ENTREP2: variants seen among roughly 807,000 people sequenced by gnomAD.
The protein encoded by ENTREP2 is endosomal transmembrane epsin interactor 2.
At chr15:29,591,691 A>G in the ENTREP2 span, among the ~76,000 whole-genome samples, 1 of 152,074 alleles carries the variant, frequency 6.6e-6, no homozygotes, top group Non-Finnish European at 1.5e-5. Context: ...AAAAAAATAC[A>G]GCCAGGCATG....
At chr15:29,138,524 G>A in the ENTREP2 span, among the ~76,000 whole-genome samples, 5 of 152,300 alleles carry the variant, frequency 3.3e-5, no homozygotes, top group African/African-American at 1.2e-4. Flanking sequence ...GAGTGCGTGT[G>A]TGTCTGTATG....
the ENTREP2 span, chr15:29,126,457 C>T: frequency 1.1e-5 from 17 of 1,550,118 alleles, no homozygotes; most frequent in African/African-American, 1.4e-5. Context: ...TAGCAGTGCC[C>T]TCGGACACCA....
chr15:29,119,144 G>A, the ENTREP2 span, among the ~76,000 whole-genome samples: 1 of 152,236 alleles, frequency 6.6e-6, no homozygotes, highest in Non-Finnish European at 1.5e-5. Flanking sequence ...GCGCACACCA[G>A]CTTTGTGCCT....
the ENTREP2 span, among the ~76,000 whole-genome samples, chr15:29,495,492 T>C: frequency 2.0e-5 from 3 of 152,208 alleles, no homozygotes; most frequent in Non-Finnish European, 2.9e-5. Context: ...GAGCTTTCTA[T>C]GTTTTCTTCT....
At chr15:29,468,553 T>C in the ENTREP2 span, among the ~76,000 whole-genome samples, 8 of 145,818 alleles carry the variant, frequency 5.5e-5, no homozygotes, top group Non-Finnish European at 1.2e-4. Flanking sequence ...GAGATTGCAG[T>C]GAGCCGAGAT....
chr15:29,361,038 C>T, the ENTREP2 span, among the ~76,000 whole-genome samples: 256 of 152,332 alleles, frequency 1.7e-3, 3 homozygotes, highest in South Asian at 9.3e-3. Flanking sequence ...TGGACCCCTG[C>T]ACCTGGTGCT....
chr15:29,207,726 C>A, the ENTREP2 span, among the ~76,000 whole-genome samples: 1 of 152,168 alleles, frequency 6.6e-6, no homozygotes, highest in Non-Finnish European at 1.5e-5. Context: ...CCCAGGAAGT[C>A]CAGCTGGCTT....
chr15:29,208,687 T>C, the ENTREP2 span, among the ~76,000 whole-genome samples: 37 of 152,312 alleles, frequency 2.4e-4, no homozygotes, highest in Non-Finnish European at 4.9e-4. Context: ...CCTATAGGTA[T>C]ACCCTACATC....
chr15:29,510,767 G>A, the ENTREP2 span, among the ~76,000 whole-genome samples: 5 of 144,842 alleles, frequency 3.5e-5, no homozygotes, highest in East Asian at 6.1e-4. Flanking sequence ...AGATCATGCC[G>A]CCACTACACT....
At chr15:29,252,848 A>T in the ENTREP2 span, among the ~76,000 whole-genome samples, 1,276 of 152,318 alleles carry the variant, frequency 8.4e-3, 14 homozygotes, top group African/African-American at 0.029. Flanking sequence ...GAAGGCCTTT[A>T]GGTTTAATTT....
At chr15:29,499,091 C>A in the ENTREP2 span, among the ~76,000 whole-genome samples, 1 of 152,138 alleles carries the variant, frequency 6.6e-6, no homozygotes, top group African/African-American at 2.4e-5. Flanking sequence ...GTTTTTAAAT[C>A]TATTCAGCCA....
At chr15:29,458,430 C>T in the ENTREP2 span, among the ~76,000 whole-genome samples, 6 of 152,178 alleles carry the variant, frequency 3.9e-5, no homozygotes, top group South Asian at 6.2e-4. Context: ...CAAACTGACA[C>T]ATAAAATTAA....
At chr15:29,174,061 CAATCT>C in the ENTREP2 span, among the ~76,000 whole-genome samples, 1 of 151,822 alleles carries the variant, frequency 6.6e-6, no homozygotes, top group Non-Finnish European at 1.5e-5. Context: ...AAATATAACA[CAATCT>C]TAATCGTAGG....
the ENTREP2 span, among the ~76,000 whole-genome samples, chr15:29,658,254 A>AT: frequency 1.8e-4 from 28 of 152,072 alleles, no homozygotes; most frequent in South Asian, 1.5e-3. Context: ...CTGGGCACTC[A>AT]TTTTTTTCTC....
the ENTREP2 span, among the ~76,000 whole-genome samples, chr15:29,502,324 C>G: frequency 6.6e-6 from 1 of 151,778 alleles, no homozygotes; most frequent in African/African-American, 2.4e-5. Context: ...ACAAGAGTGC[C>G]AAGACCATTC....
the ENTREP2 span, among the ~76,000 whole-genome samples, chr15:29,404,064 C>T: frequency 1.3e-5 from 2 of 152,132 alleles, no homozygotes; most frequent in African/African-American, 4.8e-5. Flanking sequence ...GAGCCCATCT[C>T]CTGTCCCCAC....
At chr15:29,395,043 C>A in the ENTREP2 span, among the ~76,000 whole-genome samples, 1 of 149,208 alleles carries the variant, frequency 6.7e-6, no homozygotes, top group Admixed American at 6.7e-5. Flanking sequence ...CCCACCACCA[C>A]GCCCGGCTAC....
At chr15:29,174,490 C>G in the ENTREP2 span, among the ~76,000 whole-genome samples, 1,487 of 152,140 alleles carry the variant, frequency 9.8e-3, 28 homozygotes, top group African/African-American at 0.034. Flanking sequence ...AGATTGAGAC[C>G]ATCCTGGCTA....
the ENTREP2 span, chr15:29,269,520 G>GCCCTGCGAC: frequency 2.7e-5 from 43 of 1,574,492 alleles, no homozygotes; most frequent in South Asian, 2.6e-4. Flanking sequence ...GAGGCGAGGG[G>GCCCTGCGAC]CCCTGCGACC....
Sources: gnomAD v4.1 joint callset for allele counts (sites outside exome capture counted in the v4.1 genomes callset) on GRCh38, gnomAD v4.1.1 for gene constraint, MANE v1.5 for transcripts, NCBI Gene and HGNC (gene_info 2026-07-23, HGNC 2026-07-21) for gene names.